Variants in MIER1 observed in about 807,000 individuals in gnomAD.
MIER1 encodes the protein mesoderm induction early response protein 1.
Under a neutral mutation model 75.7 loss-of-function variants are expected in MIER1, and 40 were observed. That is an observed-to-expected ratio of 0.53 (90% CI 0.41 to 0.69). The LOEUF is 0.69. Ranked by LOEUF, MIER1 falls within the 30% of genes least tolerant of loss-of-function variation. The pLI is 0.00. For missense variants in MIER1, 574 were observed against 680.2 expected (o/e 0.84, Z 1.74); for synonymous variants, 213 against 223.4 (o/e 0.95, Z 0.42).
At position 66,986,039 on chromosome 1, in the gene MIER1, G is replaced by T; in HGVS notation, c.*1139G>T. ...ATGCATCATAAAATTTCCCATTTCTGCATTAAATAAACAGAGGAGGGGGGT... is the reference window on the plus strand; with the variant it reads ...ATGCATCATAAAATTTCCCATTTCTTCATTAAATAAACAGAGGAGGGGGGT... On this transcript the variant is annotated 3_prime_UTR_variant, in exon 14 of 14. Transcript: ENST00000401041. The T allele has an allele frequency of 2.0e-6, 2 of 998,774 alleles. No individual in the cohort carries two copies. The highest frequency in any genetic ancestry group is 2.4e-6 in the Non-Finnish European group (2 of 839,022). The allele number at this position is 998,774 out of a possible 1,614,324, so 61.9% of individuals were successfully genotyped here. A position where few individuals can be genotyped will look rare whatever the true frequency, so the allele number is the denominator to read the frequency against.
chr1:66,932,725 G>C (rs1653742229), intron 2 of MIER1: 1 of 152,114 alleles, frequency 6.6e-6, no homozygotes, highest in Non-Finnish European at 1.5e-5. Context: ...AGGATAGCTT[G>C]TGAAGTAACA....
intron 4 of MIER1, chr1:66,947,929 TG>T: frequency 1.0e-6 from 1 of 985,458 alleles, no homozygotes; most frequent in Non-Finnish European, 1.2e-6. Context: ...CCTTATCCTC[TG>T]GGTTCGGTGT....
intron 8 of MIER1, among the ~76,000 whole-genome samples, chr1:66,968,816 G>A (rs1045407021): frequency 1.4e-4 from 22 of 152,068 alleles, no homozygotes; most frequent in African/African-American, 5.3e-4. Context: ...TTAACCTTTT[G>A]TTTACTCATC....
chr1:66,982,879 A>T (rs1666179336), intron 13 of MIER1, among the ~76,000 whole-genome samples: 1 of 152,204 alleles, frequency 6.6e-6, no homozygotes, highest in Non-Finnish European at 1.5e-5. Context: ...TATTGACTTG[A>T]TGTCTAATGT....
chr1:66,938,588 C>G (rs1304616906), intron 2 of MIER1, among the ~76,000 whole-genome samples: 1 of 152,066 alleles, frequency 6.6e-6, no homozygotes, highest in Non-Finnish European at 1.5e-5. Flanking sequence ...TAGCTCTGCC[C>G]AAAAGATGTT....
intron 3 of MIER1, among the ~76,000 whole-genome samples, chr1:66,944,002 T>C (rs1315740827): frequency 7.0e-6 from 1 of 143,244 alleles, no homozygotes; most frequent in Non-Finnish European, 1.5e-5. Context: ...TTTTTTTTTT[T>C]CCTCTTTAAA....
At chr1:66,979,763 CTTT>C (rs1223242870) in intron 12 of MIER1, among the ~76,000 whole-genome samples, 3 of 138,688 alleles carry the variant, frequency 2.2e-5, no homozygotes, top group Non-Finnish European at 1.6e-5. Context: ...TTTGCCTTGG[CTTT>C]TTTTTTTTTT....
rs902517020 is a variant in MIER1 at position 66,943,995 on chromosome 1, T to A, written c.194-2155T>A. ...TCTCTAAGCCTTGAGTTTTTATTTTTTTTTTTTCCTCTTTAAATGGGATGA... is the reference window on the plus strand; with the variant it reads ...TCTCTAAGCCTTGAGTTTTTATTTTATTTTTTTCCTCTTTAAATGGGATGA... On this transcript the variant is annotated intron_variant, in intron 3 of 13. Transcript: ENST00000401041. Among the ~76,000 whole-genome samples, 40 of 152,168 alleles carry A rather than the reference T, an allele frequency of 2.6e-4. 1 individual carries two copies. The highest frequency in any genetic ancestry group is 4.7e-4 in the Non-Finnish European group (32 of 68,018).
chr1:66,970,787 C>T, intron 8 of MIER1, 21 bp from the exon 9 acceptor site: 2 of 1,514,122 alleles, frequency 1.3e-6, no homozygotes, highest in Non-Finnish European at 1.8e-6. Flanking sequence ...ATTTGTTTAA[C>T]ATTGTCTTTT....
intron 3 of MIER1, among the ~76,000 whole-genome samples, chr1:66,941,596 C>G (rs932043407): frequency 6.6e-6 from 1 of 152,080 alleles, no homozygotes; most frequent in Admixed American, 6.6e-5. Flanking sequence ...ACTCAGAAAG[C>G]GATATTAGTA....
At chr1:66,948,523 T>C (rs1408695707) in intron 4 of MIER1, among the ~76,000 whole-genome samples, 3 of 152,260 alleles carry the variant, frequency 2.0e-5, no homozygotes, top group Admixed American at 1.3e-4. Context: ...GCTGACTTAA[T>C]CCACAATGTC....
In MIER1 at chr1:66,985,596, A is replaced by T; in HGVS notation, c.*696A>T. On this transcript the variant is annotated 3_prime_UTR_variant, in exon 14 of 14. Coordinates refer to ENST00000401041, the MANE Select transcript of MIER1 (RefSeq NM_001077700.3). ...AGCCTTTGAAAGATTTTTACAGTAC[A>T]TATGTCTTGACTGAGCTGTCCTTTC... is the stretch of plus-strand genomic sequence containing the variant. The T allele has an allele frequency of 1.0e-6, 1 of 985,288 alleles. No homozygotes were observed. The highest frequency in any genetic ancestry group is 1.2e-6 in the Non-Finnish European group (1 of 829,750). 61.0% of individuals were successfully genotyped at this position (985,288 alleles called of 1,614,324 possible).
chr1:66,946,744 C>T (rs1354246381), intron 4 of MIER1: 6 of 985,584 alleles, frequency 6.1e-6, no homozygotes, highest in Non-Finnish European at 7.2e-6. Flanking sequence ...CCACCTCTTC[C>T]TATCAAGGTG....
At position 66,986,668 on chromosome 1, in the gene MIER1, C is replaced by T. The variant is rs1391147842; in HGVS notation, c.*1768C>T. On this transcript the variant is annotated 3_prime_UTR_variant, in exon 14 of 14. Transcript: ENST00000401041. ...AAAGCCACTTTGCAACACTTGACTT[C>T]ATCTTAATGTACATTCACTGTTGTT... is the stretch of plus-strand genomic sequence containing the variant. The T allele has an allele frequency of 3.9e-6, 2 of 515,074 alleles. No homozygotes were observed. Among genetic ancestry groups the T allele is most frequent in the African/African-American group, 3.9e-5 (2 of 51,550 alleles). The allele number at this position is 515,074 out of a possible 1,614,324, so 31.9% of individuals were successfully genotyped here.
At chr1:66,925,772 C>T (rs1348603991) in intron 1 of MIER1, among the ~76,000 whole-genome samples, 1 of 152,178 alleles carries the variant, frequency 6.6e-6, no homozygotes, top group Non-Finnish European at 1.5e-5. Flanking sequence ...CACTATCCCT[C>T]TCTGGGCTTC....
At chr1:66,948,533 C>G (rs1341087430) in intron 4 of MIER1, among the ~76,000 whole-genome samples, 1 of 152,066 alleles carries the variant, frequency 6.6e-6, no homozygotes, top group African/African-American at 2.4e-5. Context: ...TCCACAATGT[C>G]TGAATAATTT....
chr1:66,930,749 T>A (rs1467339460), intron 2 of MIER1, among the ~76,000 whole-genome samples: 1 of 152,126 alleles, frequency 6.6e-6, no homozygotes, highest in Non-Finnish European at 1.5e-5. Context: ...TGCTGCTTCC[T>A]CTTGCGAAGT....
intron 3 of MIER1, chr1:66,940,272 T>TTA: frequency 4.5e-5 from 1 of 22,412 alleles, no homozygotes; most frequent in Non-Finnish European, 7.7e-5. Context: ...TGGGTTTTCT[T>TTA]TTTTTTTTTT....
chr1:66,928,191 G>C (rs112982607), intron 2 of MIER1, among the ~76,000 whole-genome samples: 10 of 151,866 alleles, frequency 6.6e-5, no homozygotes, highest in African/African-American at 2.4e-4. Context: ...TTTAAAACTA[G>C]TAATATTGAT....
Sources: allele counts gnomAD v4.1 joint callset (sites outside exome capture counted in the v4.1 genomes callset), GRCh38; gene constraint gnomAD v4.1.1; transcripts MANE v1.5; gene names NCBI Gene and HGNC (gene_info 2026-07-23, HGNC 2026-07-21).